KPNA6: variants seen among roughly 807,000 people sequenced by gnomAD.
KPNA6 encodes the protein importin subunit alpha-7.
In KPNA6, 9 loss-of-function variants were observed where a neutral mutation model predicts 72.0. That is an observed-to-expected ratio of 0.13 (90% CI 0.08 to 0.22). The LOEUF (loss-of-function observed/expected upper bound fraction) is 0.22, where lower values mean the gene tolerates loss of function less well. Among genes scored for constraint, KPNA6 ranks in the 10% least tolerant of loss-of-function variants. KPNA6 has a pLI of 1.00. For synonymous variants in KPNA6, 219 were observed against 242.1 expected (o/e 0.90, Z 0.89); for missense variants, 374 against 655.7 (o/e 0.57, Z 4.69).
intron 1 of KPNA6, among the ~76,000 whole-genome samples, chr1:32,127,319 A>C (rs1450744643): frequency 3.3e-5 from 5 of 152,152 alleles, no homozygotes; most frequent in Non-Finnish European, 1.5e-5. Context: ...TGTTCATGGC[A>C]TGTCTTCTGG....
intron 2 of KPNA6, 65 bp downstream of exon 2, chr1:32,154,786 A>G (rs181911306): frequency 3.0e-5 from 47 of 1,561,804 alleles, no homozygotes; most frequent in South Asian, 2.7e-4. Flanking sequence ...GTTGGCCTCC[A>G]CCATGCACCC....
intron 1 of KPNA6, among the ~76,000 whole-genome samples, chr1:32,134,120 G>A (rs948594969): frequency 6.6e-6 from 1 of 150,912 alleles, no homozygotes; most frequent in African/African-American, 2.4e-5. Flanking sequence ...TTAAAAAATG[G>A]GTGGTGGGCC....
chr1:32,151,445 G>A (rs1346035582), intron 1 of KPNA6, among the ~76,000 whole-genome samples: 1 of 152,096 alleles, frequency 6.6e-6, no homozygotes, highest in Admixed American at 6.5e-5. Flanking sequence ...CAGCATGTAT[G>A]CATCCTTAGT....
At chr1:32,158,768 A>G (rs2124071412) in intron 5 of KPNA6, among the ~76,000 whole-genome samples, 1 of 152,322 alleles carries the variant, frequency 6.6e-6, no homozygotes, top group East Asian at 1.9e-4. Context: ...TCTCTCAGGA[A>G]GTTCAAAAGT....
chr1:32,151,998 ATAAG>A (rs1642040778), intron 1 of KPNA6, among the ~76,000 whole-genome samples: 1 of 152,242 alleles, frequency 6.6e-6, no homozygotes, highest in South Asian at 2.1e-4. Flanking sequence ...TTCACTATCA[ATAAG>A]GAAAACATTA....
intron 1 of KPNA6, among the ~76,000 whole-genome samples, chr1:32,114,596 A>G (rs568060517): frequency 6.6e-6 from 1 of 152,204 alleles, no homozygotes; most frequent in Non-Finnish European, 1.5e-5. Context: ...GTAATTGAGC[A>G]TTGACTTCAA....
At position 32,162,477 on chromosome 1, in the gene KPNA6, G is replaced by A; in HGVS notation, c.864G>A (p.Gln288=). 1 of 1,614,138 alleles carries A rather than the reference G, an allele frequency of 6.2e-7. No individual in the cohort carries two copies. Among genetic ancestry groups the A allele is most frequent in the Non-Finnish European group, 8.5e-7 (1 of 1,180,038 alleles). ...CTGATGGCCCCAATGAGAAGATCCA[G>A]GCAGTCATAGACTCCGGAGTCTGCC... ...YLSDGPNEKI[Q]AVIDSGVCRR... Residue 288 remains glutamine (Q), a synonymous_variant, in exon 9 of 14, where the codon CAG becomes CAA. Coordinates refer to ENST00000373625, the MANE Select transcript of KPNA6 (RefSeq NM_012316.5).
chr1:32,119,930 A>T (rs1043409827), intron 1 of KPNA6, among the ~76,000 whole-genome samples: 1 of 151,398 alleles, frequency 6.6e-6, no homozygotes, highest in Non-Finnish European at 1.5e-5. Flanking sequence ...ATTTTAGTAG[A>T]CTTCACCATA....
intron 1 of KPNA6, among the ~76,000 whole-genome samples, chr1:32,114,238 G>A (rs1320614187): frequency 6.6e-6 from 1 of 151,878 alleles, no homozygotes; most frequent in Non-Finnish European, 1.5e-5. Flanking sequence ...TCAGGAGTTC[G>A]AGACCAGCCT....
Position 32,159,671 on chromosome 1 carries a change from C to T in KPNA6, c.558+140C>T, listed in dbSNP as rs961555543. ...ATAGGGGTGTCAAGTACAGATGGCC[C>T]CTGGGACTTGCAACTGGTATCTCAA... On this transcript the variant is annotated intron_variant, in intron 6 of 13. Coordinates refer to ENST00000373625, the MANE Select transcript of KPNA6 (RefSeq NM_012316.5). 49 of 897,808 alleles carry T rather than the reference C, an allele frequency of 5.5e-5. No individual in the cohort carries two copies. The African/African-American group carries it at 6.5e-4, about 12-fold the overall frequency. 55.6% of individuals were successfully genotyped at this position (897,808 alleles called of 1,614,324 possible). A position where few individuals can be genotyped will look rare whatever the true frequency, so the allele number is the denominator to read the frequency against.
chr1:32,128,032 T>C (rs1160678967), intron 1 of KPNA6, among the ~76,000 whole-genome samples: 1 of 152,118 alleles, frequency 6.6e-6, no homozygotes, highest in East Asian at 1.9e-4. Context: ...ATTTTTGTGC[T>C]GGCTTAAATG....
intron 1 of KPNA6, among the ~76,000 whole-genome samples, chr1:32,120,802 A>T (rs1032629019): frequency 6.6e-5 from 10 of 151,304 alleles, no homozygotes; most frequent in African/African-American, 1.9e-4. Flanking sequence ...ACCTGACCTC[A>T]GGTGATCCTC....
In KPNA6 at chr1:32,108,080, T is replaced by G; in HGVS notation, c.-51T>G. On this transcript the variant is annotated 5_prime_UTR_variant, in exon 1 of 14. Transcript: ENST00000373625. Reference sequence around the variant, plus strand: ...CATATTGTCTACTGAAAGCTGCCGCTGAAGCTGCCGCCGTTGCCTCCGCCG... The same window carrying G: ...CATATTGTCTACTGAAAGCTGCCGCGGAAGCTGCCGCCGTTGCCTCCGCCG... 1.9e-6 allele frequency: 3 copies of G among 1,613,740 alleles called. No homozygotes were observed. Among genetic ancestry groups the G allele is most frequent in the Non-Finnish European group, 2.5e-6 (3 of 1,179,772 alleles).
intron 1 of KPNA6, among the ~76,000 whole-genome samples, chr1:32,123,820 G>C (rs1438105779): frequency 6.6e-6 from 1 of 150,986 alleles, no homozygotes; most frequent in Non-Finnish European, 1.5e-5. Flanking sequence ...TGGATCATGC[G>C]GTCAAGAGAT....
intron 1 of KPNA6, among the ~76,000 whole-genome samples, chr1:32,138,957 G>A (rs1348696075): frequency 6.6e-6 from 1 of 152,038 alleles, no homozygotes; most frequent in Non-Finnish European, 1.5e-5. Context: ...CGTGGTTTCT[G>A]GGTTTTTAGT....
At chr1:32,127,520 G>T (rs1002767294) in intron 1 of KPNA6, among the ~76,000 whole-genome samples, 1 of 152,202 alleles carries the variant, frequency 6.6e-6, no homozygotes, top group East Asian at 1.9e-4. Flanking sequence ...GCCCTTTCTT[G>T]TATTGTTGCT....
chr1:32,155,510 A>G (rs963472341), intron 2 of KPNA6, among the ~76,000 whole-genome samples: 2 of 151,004 alleles, frequency 1.3e-5, no homozygotes, highest in Non-Finnish European at 3.0e-5. Context: ...TTTGGTAGAG[A>G]CTGGGTTTCA....
intron 1 of KPNA6, among the ~76,000 whole-genome samples, chr1:32,152,381 A>ATGAT (rs1642046842): frequency 6.6e-6 from 1 of 152,180 alleles, no homozygotes; most frequent in South Asian, 2.1e-4. Context: ...TTTAATGGAC[A>ATGAT]TGATATTCAG....
intron 1 of KPNA6, among the ~76,000 whole-genome samples, chr1:32,132,307 T>G (rs1327659074): frequency 6.6e-6 from 1 of 151,968 alleles, no homozygotes; most frequent in Admixed American, 6.6e-5. Context: ...TGTTTTGTTT[T>G]GTTTTGTTTG....
Sources: gnomAD v4.1 joint callset for allele counts (sites outside exome capture counted in the v4.1 genomes callset) on GRCh38, gnomAD v4.1.1 for gene constraint, MANE v1.5 for transcripts, NCBI Gene and HGNC (gene_info 2026-07-23, HGNC 2026-07-21) for gene names.